MAP2K1: variants seen among roughly 807,000 people sequenced by gnomAD.
The protein encoded by MAP2K1 is dual specificity mitogen-activated protein kinase kinase 1.
MAP2K1 carries 16 observed loss-of-function variants against 46.3 expected under a neutral mutation model. The ratio of observed to expected loss-of-function variants is 0.35; its 90% CI spans 0.23 to 0.52. MAP2K1 has a LOEUF of 0.52. MAP2K1 is among the 20% of genes least tolerant of loss of function. MAP2K1 has a pLI of 0.94. For missense variants in MAP2K1, 263 were observed against 497.1 expected (o/e 0.53, Z 4.48); for synonymous variants, 183 against 185.6 (o/e 0.99, Z 0.11).
chr15:66,480,792 A>G (rs899635255), intron 5 of MAP2K1, among the ~76,000 whole-genome samples: 1 of 152,066 alleles, frequency 6.6e-6, no homozygotes, highest in East Asian at 1.9e-4. Context: ...CTGCCCTCAA[A>G]GTGAGTGTCA....
At chr15:66,446,210 C>A (rs1323376536) in intron 5 of MAP2K1, among the ~76,000 whole-genome samples, 1 of 151,590 alleles carries the variant, frequency 6.6e-6, no homozygotes, top group African/African-American at 2.4e-5. Flanking sequence ...ACGAGCAAGA[C>A]TCCGTCTCAA....
rs527302972 is a variant in MAP2K1 at position 66,399,372 on chromosome 15, C to T, written c.80+11945C>T. Among the ~76,000 whole-genome samples, 64 of 152,172 alleles carry T rather than the reference C, an allele frequency of 4.2e-4. 1 individual carries two copies. The highest frequency in any genetic ancestry group is 7.9e-4 in the Non-Finnish European group (54 of 68,040). On this transcript the variant is annotated intron_variant, in intron 1 of 10. Coordinates refer to ENST00000307102, the MANE Select transcript of MAP2K1 (RefSeq NM_002755.4). Reference sequence around the variant, plus strand: ...AATGTCAACTAATATTTGCTCTTTCCCATCCCTAGATTCCTTTGTGCTGCT... The same window carrying T: ...AATGTCAACTAATATTTGCTCTTTCTCATCCCTAGATTCCTTTGTGCTGCT...
chr15:66,430,289 C>A (rs2093472007), intron 1 of MAP2K1, among the ~76,000 whole-genome samples: 1 of 152,146 alleles, frequency 6.6e-6, no homozygotes, highest in South Asian at 2.1e-4. Flanking sequence ...ACTCCCTGGG[C>A]TCTCTGGTAA....
At chr15:66,464,347 A>G (rs1892407605) in intron 5 of MAP2K1, among the ~76,000 whole-genome samples, 1 of 152,174 alleles carries the variant, frequency 6.6e-6, no homozygotes, top group Non-Finnish European at 1.5e-5. Flanking sequence ...GATATAGGCC[A>G]CATTATTCTG....
intron 1 of MAP2K1, among the ~76,000 whole-genome samples, chr15:66,418,557 T>G (rs1000882672): frequency 6.6e-6 from 1 of 152,204 alleles, no homozygotes; most frequent in Non-Finnish European, 1.5e-5. Flanking sequence ...GTCCAGTACG[T>G]CATCTTTCTA....
intron 5 of MAP2K1, among the ~76,000 whole-genome samples, chr15:66,467,412 G>A (rs762376626): frequency 1.3e-5 from 2 of 152,082 alleles, no homozygotes; most frequent in African/African-American, 2.4e-5. Flanking sequence ...AAACAAAGAC[G>A]ATAACAGCCT....
chr15:66,435,260 G>C (rs1311211048), intron 2 of MAP2K1, 23 bp downstream of exon 2: 4 of 1,588,126 alleles, frequency 2.5e-6, no homozygotes, highest in Non-Finnish European at 3.5e-6. Flanking sequence ...TGATTAACAG[G>C]TAATTGGATT....
At chr15:66,480,100 A>G (rs942677627) in intron 5 of MAP2K1, among the ~76,000 whole-genome samples, 1 of 149,030 alleles carries the variant, frequency 6.7e-6, no homozygotes, top group African/African-American at 2.5e-5. Flanking sequence ...TAATAAATAT[A>G]TTTTTTGAGA....
intron 4 of MAP2K1, among the ~76,000 whole-genome samples, chr15:66,443,837 T>G (rs145616322): frequency 6.2e-4 from 94 of 152,322 alleles, no homozygotes; most frequent in African/African-American, 2.2e-3. Flanking sequence ...CATTGCACTT[T>G]AGTCTGGGCG....
In MAP2K1 at chr15:66,474,618, G is replaced by T. The variant is rs565310094; in HGVS notation, c.569-7137G>T. On this transcript the variant is annotated intron_variant, in intron 5 of 10. Coordinates refer to ENST00000307102, the MANE Select transcript of MAP2K1 (RefSeq NM_002755.4). ...ATTATGGGTTGCCTTTAGTCCTGTT[G>T]TCTGGGCCCTGATTTTTTAGATCCT... Among the ~76,000 whole-genome samples, 4 of 152,208 alleles carry T rather than the reference G, an allele frequency of 2.6e-5. No individual in the cohort carries two copies. The South Asian group carries it at 8.3e-4, about 32-fold the overall frequency.
chr15:66,420,780 T>TA (rs2093437595), intron 1 of MAP2K1, among the ~76,000 whole-genome samples: 1 of 48,708 alleles, frequency 2.1e-5, no homozygotes, highest in Non-Finnish European at 4.2e-5. Flanking sequence ...TATATATGTG[T>TA]ATATATATGT....
At chr15:66,431,729 A>G (rs1166426140) in intron 1 of MAP2K1, among the ~76,000 whole-genome samples, 1 of 152,182 alleles carries the variant, frequency 6.6e-6, no homozygotes, top group Non-Finnish European at 1.5e-5. Flanking sequence ...GCACATGTGC[A>G]GGATGTGCAG....
rs1402790168 is a variant in MAP2K1 at position 66,420,886 on chromosome 15, T to C, written c.81-14141T>C. On this transcript the variant is annotated intron_variant, in intron 1 of 10. Coordinates refer to ENST00000307102, the MANE Select transcript of MAP2K1 (RefSeq NM_002755.4). ...ATATATATGTGTGTATATATATGTGTATATATACACATACATACATACACA... is the reference window on the plus strand; with the variant it reads ...ATATATATGTGTGTATATATATGTGCATATATACACATACATACATACACA... 8.2e-4 allele frequency among the ~76,000 whole-genome samples: 99 copies of C among 120,296 alleles called. 21 individuals carry two copies. The highest frequency in any genetic ancestry group is 1.2e-3 in the Non-Finnish European group (66 of 53,590). 78.9% of individuals were successfully genotyped at this position (120,296 alleles called of 152,430 possible).
At chr15:66,388,836 G>A (rs950413109) in intron 1 of MAP2K1, among the ~76,000 whole-genome samples, 10 of 151,668 alleles carry the variant, frequency 6.6e-5, no homozygotes, top group African/African-American at 1.9e-4. Flanking sequence ...AATCCTGTGG[G>A]GTCTATTTTG....
At chr15:66,489,875 CAGCTG>C in intron 10 of MAP2K1, 112 bp downstream of exon 10, 2 of 930,068 alleles carry the variant, frequency 2.2e-6, no homozygotes, top group South Asian at 2.6e-5. Flanking sequence ...CACTGTGGTC[CAGCTG>C]AGCCTGGGGC....
chr15:66,469,463 T>C (rs1892554779), intron 5 of MAP2K1, among the ~76,000 whole-genome samples: 3 of 138,134 alleles, frequency 2.2e-5, no homozygotes, highest in South Asian at 2.5e-4. Context: ...AAAGGGAGTC[T>C]GGTGCCTCCT....
At chr15:66,484,560 T>C (rs1017556192) in intron 6 of MAP2K1, among the ~76,000 whole-genome samples, 6 of 152,190 alleles carry the variant, frequency 3.9e-5, no homozygotes, top group Non-Finnish European at 8.8e-5. Flanking sequence ...TTTTGTTCTA[T>C]GTATCCACGG....
At chr15:66,414,634 A>G (rs1326936669) in intron 1 of MAP2K1, among the ~76,000 whole-genome samples, 1 of 152,140 alleles carries the variant, frequency 6.6e-6, no homozygotes, top group Non-Finnish European at 1.5e-5. Context: ...TTACATAGGC[A>G]TGATTAATTG....
chr15:66,392,254 G>GTT (rs374203054), intron 1 of MAP2K1, among the ~76,000 whole-genome samples: 1,403 of 79,572 alleles, frequency 0.018, 65 homozygotes, highest in South Asian at 0.047. Context: ...GTTTTTTTTG[G>GTT]GTTTTTTTTT....
Sources: allele counts gnomAD v4.1 joint callset (sites outside exome capture counted in the v4.1 genomes callset), GRCh38; gene constraint gnomAD v4.1.1; transcripts MANE v1.5; gene names NCBI Gene and HGNC (gene_info 2026-07-23, HGNC 2026-07-21).